The following PLCH1 variants were observed in gnomAD, a reference collection of about 807,000 sequenced individuals.
The protein encoded by PLCH1 is 1-phosphatidylinositol 4,5-bisphosphate phosphodiesterase eta-1.
In PLCH1, 60 loss-of-function variants were observed where a neutral mutation model predicts 126.7. That is an observed-to-expected ratio of 0.47 (90% CI 0.38 to 0.59). The LOEUF is 0.59. Ranked by LOEUF, PLCH1 falls within the 20% of genes least tolerant of loss-of-function variation. The pLI, the probability that PLCH1 is intolerant of heterozygous loss-of-function variation, is 0.00. For synonymous variants in PLCH1, 719 were observed against 734.9 expected (o/e 0.98, Z 0.35); for missense variants, 1,723 against 2,040.0 (o/e 0.84, Z 2.99).
chr3:155,453,490 T>G (rs1712364616), intron 21 of PLCH1, among the ~76,000 whole-genome samples: 2 of 152,134 alleles, frequency 1.3e-5, no homozygotes, highest in African/African-American at 2.4e-5. Flanking sequence ...CATTTCAAAA[T>G]GAAAAGTTCA....
chr3:155,518,155 C>T (rs1237258053), intron 11 of PLCH1, among the ~76,000 whole-genome samples: 1 of 152,138 alleles, frequency 6.6e-6, no homozygotes, highest in Admixed American at 6.5e-5. Flanking sequence ...GTGCACAATT[C>T]ACAACTTACA....
intron 14 of PLCH1, among the ~76,000 whole-genome samples, chr3:155,499,333 C>T (rs368752585): frequency 3.3e-5 from 5 of 152,080 alleles, no homozygotes; most frequent in Admixed American, 1.3e-4. Flanking sequence ...GAAAAAAGAA[C>T]GCATGTTCCT....
intron 2 of PLCH1, among the ~76,000 whole-genome samples, chr3:155,648,639 C>G (rs1740328821): frequency 6.6e-6 from 1 of 152,230 alleles, no homozygotes; most frequent in South Asian, 2.1e-4. Flanking sequence ...ATGAGTGTGA[C>G]AGACAGAATG....
At chr3:155,722,284 C>A (rs540331440) in intron 1 of PLCH1, among the ~76,000 whole-genome samples, 1 of 151,896 alleles carries the variant, frequency 6.6e-6, no homozygotes, top group South Asian at 2.1e-4. Context: ...CTGCTTTAGC[C>A]TCCTGAGTAG....
intron 5 of PLCH1, among the ~76,000 whole-genome samples, chr3:155,585,060 A>G (rs946348958): frequency 1.3e-5 from 2 of 152,162 alleles, no homozygotes; most frequent in East Asian, 1.9e-4. Context: ...CAGGTTCCCT[A>G]TACAGCAAAT....
intron 12 of PLCH1, among the ~76,000 whole-genome samples, chr3:155,512,901 T>C (rs550732179): frequency 6.6e-6 from 1 of 152,268 alleles, no homozygotes; most frequent in African/African-American, 2.4e-5. Flanking sequence ...CTTAGGAACT[T>C]GTTAAGGTTA....
chr3:155,664,451 T>C (rs1742515089), intron 2 of PLCH1, among the ~76,000 whole-genome samples: 1 of 152,244 alleles, frequency 6.6e-6, no homozygotes, highest in South Asian at 2.1e-4. Context: ...ACATTTTTTG[T>C]ATAAAGCCAG....
At chr3:155,645,240 C>T (rs1739882465) in intron 2 of PLCH1, among the ~76,000 whole-genome samples, 1 of 152,106 alleles carries the variant, frequency 6.6e-6, no homozygotes, top group Admixed American at 6.5e-5. Context: ...ACTATGTTGC[C>T]CAGGCTACAG....
At chr3:155,547,871 A>G (rs1208265820) in intron 10 of PLCH1, among the ~76,000 whole-genome samples, 1 of 122,538 alleles carries the variant, frequency 8.2e-6, no homozygotes, top group Non-Finnish European at 1.6e-5. Context: ...AGGGGACATC[A>G]CACTCTGGGG....
intron 12 of PLCH1, 74 bp downstream of exon 12, chr3:155,514,649 C>T: frequency 2.9e-6 from 3 of 1,028,522 alleles, no homozygotes; most frequent in Non-Finnish European, 4.0e-6. Context: ...GAGCATTTCA[C>T]AAATGATTAG....
chr3:155,657,645 T>A (rs1224847951), intron 2 of PLCH1: 1 of 152,206 alleles, frequency 6.6e-6, no homozygotes, highest in Non-Finnish European at 1.5e-5. Flanking sequence ...CTACGCTTAT[T>A]GAGAAAGAGC....
intron 2 of PLCH1, among the ~76,000 whole-genome samples, chr3:155,673,210 T>C (rs1287148096): frequency 2.0e-5 from 3 of 151,996 alleles, no homozygotes; most frequent in Non-Finnish European, 4.4e-5. Context: ...TCAGTTCAAA[T>C]GTCACCTCCA....
chr3:155,539,835 A>C (rs1392471954), intron 10 of PLCH1, among the ~76,000 whole-genome samples: 2 of 152,188 alleles, frequency 1.3e-5, no homozygotes, highest in African/African-American at 2.4e-5. Context: ...TATAAATTCT[A>C]TGTAATCCCT....
chr3:155,515,666 C>A lies in PLCH1; in HGVS notation c.1471-782G>T, dbSNP rs143249029. Among the ~76,000 whole-genome samples the A allele has an allele frequency of 3.3e-3, 500 of 152,360 alleles. 2 individuals are homozygous for A. Among genetic ancestry groups the A allele is most frequent in the Non-Finnish European group, 5.7e-3 (388 of 68,038 alleles). ...TCTCTCAAAGTCCTGCTTAGCACAG[C>A]TTTTCGGCCATTTGTTCTGCTTGAA... is the stretch of plus-strand genomic sequence containing the variant. On this transcript the variant is annotated intron_variant, in intron 11 of 22. Coordinates refer to ENST00000460012, the MANE Select transcript of PLCH1 (RefSeq NM_014996.4).
At chr3:155,451,696 G>T (rs1223463182) in intron 21 of PLCH1, among the ~76,000 whole-genome samples, 1 of 152,172 alleles carries the variant, frequency 6.6e-6, no homozygotes, top group Non-Finnish European at 1.5e-5. Flanking sequence ...GCCATTAAAA[G>T]TAATGGCAAA....
chr3:155,517,657 G>A (rs78675261), intron 11 of PLCH1, among the ~76,000 whole-genome samples: 3,273 of 152,224 alleles, frequency 0.022, 68 homozygotes, highest in Non-Finnish European at 0.036. Context: ...GGTTAACCCA[G>A]GATTATATTA....
At chr3:155,460,612 A>G (rs2107972968) in intron 21 of PLCH1, among the ~76,000 whole-genome samples, 1 of 152,298 alleles carries the variant, frequency 6.6e-6, no homozygotes, top group East Asian at 1.9e-4. Context: ...AGTTAATCAG[A>G]AGCAATATCT....
At chr3:155,645,622 A>C (rs888939571) in intron 2 of PLCH1, among the ~76,000 whole-genome samples, 2 of 152,056 alleles carry the variant, frequency 1.3e-5, no homozygotes, top group African/African-American at 2.4e-5. Context: ...CTAGGACTAC[A>C]GGCACATGCC....
intron 21 of PLCH1, among the ~76,000 whole-genome samples, chr3:155,453,835 C>A (rs1429633593): frequency 6.6e-6 from 1 of 151,032 alleles, no homozygotes; most frequent in Non-Finnish European, 1.5e-5. Context: ...TATTCTATTT[C>A]TTCTAATAAA....
Sources: gnomAD v4.1 joint callset for allele counts (sites outside exome capture counted in the v4.1 genomes callset) on GRCh38, gnomAD v4.1.1 for gene constraint, MANE v1.5 for transcripts, NCBI Gene and HGNC (gene_info 2026-07-23, HGNC 2026-07-21) for gene names.